Variants in RNGTT observed in about 807,000 individuals in gnomAD.
RNGTT encodes RNA guanylyltransferase and 5'-phosphatase.
In RNGTT, 33 loss-of-function variants were observed where a neutral mutation model predicts 79.3. The observed-to-expected ratio is 0.42, with a 90% confidence interval of 0.32 to 0.56. RNGTT has a LOEUF of 0.56. Ranked by LOEUF, RNGTT falls within the 20% of genes least tolerant of loss-of-function variation. The pLI is 0.17. For synonymous variants in RNGTT, 222 were observed against 235.9 expected (o/e 0.94, Z 0.54); for missense variants, 497 against 739.1 (o/e 0.67, Z 3.80).
chr6:88,734,012 CAG>C (rs1338671114), intron 13 of RNGTT, among the ~76,000 whole-genome samples: 5 of 151,850 alleles, frequency 3.3e-5, no homozygotes, highest in African/African-American at 9.7e-5. Context: ...CATAATGAAA[CAG>C]AATGTTAAAG....
At chr6:88,793,247 A>C (rs775828404) in intron 12 of RNGTT, among the ~76,000 whole-genome samples, 1 of 152,222 alleles carries the variant, frequency 6.6e-6, no homozygotes, top group Non-Finnish European at 1.5e-5. Flanking sequence ...ACAAAGACTG[A>C]AATCATTAAA....
At chr6:88,940,238 C>T (rs762356335) in intron 2 of RNGTT, among the ~76,000 whole-genome samples, 1 of 152,050 alleles carries the variant, frequency 6.6e-6, no homozygotes, top group Non-Finnish European at 1.5e-5. Flanking sequence ...ACCACAATGC[C>T]TGGCTAATTT....
At chr6:88,626,662 C>G (rs79104678) in intron 14 of RNGTT, among the ~76,000 whole-genome samples, 129 of 152,148 alleles carry the variant, frequency 8.5e-4, no homozygotes, top group East Asian at 7.1e-3. Flanking sequence ...AACCACAAAT[C>G]ACAGCAAATT....
Position 88,957,799 on chromosome 6 carries a change from T to C in RNGTT, c.64+5547A>G, listed in dbSNP as rs533903237. Reference sequence around the variant, plus strand: ...ATAATCAATACTATGAAAATGATCATACTGCCAAAAGCAATCTTTAGATTC... The same window carrying C: ...ATAATCAATACTATGAAAATGATCACACTGCCAAAAGCAATCTTTAGATTC... On this transcript the variant is annotated intron_variant, in intron 1 of 15. Coordinates refer to ENST00000369485, the MANE Select transcript of RNGTT (RefSeq NM_003800.5). Among the ~76,000 whole-genome samples, 10 of 152,284 alleles carry C rather than the reference T, an allele frequency of 6.6e-5. No individual in the cohort carries two copies. In the South Asian group the frequency reaches 1.9e-3, roughly 28 times the overall value.
chr6:88,939,769 C>CT (rs59080248), intron 2 of RNGTT, among the ~76,000 whole-genome samples: 25 of 149,468 alleles, frequency 1.7e-4, no homozygotes, highest in African/African-American at 3.4e-4. Context: ...CTCACTTCTC[C>CT]TTTTTTTTTG....
intron 14 of RNGTT, among the ~76,000 whole-genome samples, chr6:88,639,709 A>G (rs1773236313): frequency 6.6e-6 from 1 of 152,188 alleles, no homozygotes; most frequent in Non-Finnish European, 1.5e-5. Context: ...AGTACTTTGT[A>G]AGTGCTCAAT....
At chr6:88,740,858 G>A (rs977959103) in intron 13 of RNGTT, among the ~76,000 whole-genome samples, 14 of 152,160 alleles carry the variant, frequency 9.2e-5, no homozygotes, top group East Asian at 3.9e-4. Context: ...AAACCTGCAC[G>A]TTCTGCACAC....
chr6:88,963,275 G>A, intron 1 of RNGTT, 71 bp downstream of exon 1: 1 of 1,504,408 alleles, frequency 6.6e-7, no homozygotes, highest in Non-Finnish European at 9.2e-7. Context: ...ACCAAAAGCT[G>A]AGCTCCTCAG....
At chr6:88,796,906 T>C (rs1353607815) in intron 12 of RNGTT, among the ~76,000 whole-genome samples, 1 of 152,032 alleles carries the variant, frequency 6.6e-6, no homozygotes, top group Admixed American at 6.5e-5. Context: ...AAACTAAGAG[T>C]AGATCTAAAA....
At chr6:88,649,399 G>A (rs1411018300) in intron 14 of RNGTT, among the ~76,000 whole-genome samples, 1 of 152,120 alleles carries the variant, frequency 6.6e-6, no homozygotes, top group African/African-American at 2.4e-5. Context: ...TCGAATTAAT[G>A]CAGCATAAAA....
rs115059573 is a variant in RNGTT at position 88,722,836 on chromosome 6, C to T, written c.1440-44417G>A. Among the ~76,000 whole-genome samples, 527 of 152,246 alleles carry T rather than the reference C, an allele frequency of 3.5e-3. 3 individuals carry two copies. Among genetic ancestry groups the T allele is most frequent in the African/African-American group, 0.012 (496 of 41,556 alleles). ...TATAATGAAGCTGAAAAATTCCTAT[C>T]ATCTAGTGACATCATAACATCATAG... On this transcript the variant is annotated intron_variant, in intron 13 of 15. Coordinates refer to ENST00000369485, the MANE Select transcript of RNGTT (RefSeq NM_003800.5).
At chr6:88,913,493 T>G (rs1783903535) in intron 4 of RNGTT, among the ~76,000 whole-genome samples, 2 of 151,962 alleles carry the variant, frequency 1.3e-5, no homozygotes, top group Admixed American at 1.3e-4. Flanking sequence ...CAGCACCACA[T>G]CAAAAAGCTA....
chr6:88,757,620 T>C (rs1333275994), intron 13 of RNGTT, among the ~76,000 whole-genome samples: 1 of 152,086 alleles, frequency 6.6e-6, no homozygotes, highest in Non-Finnish European at 1.5e-5. Flanking sequence ...CTAAGAAATA[T>C]CCAGAAAAGA....
At chr6:88,865,629 T>C (rs1483193528) in intron 8 of RNGTT, among the ~76,000 whole-genome samples, 1 of 152,136 alleles carries the variant, frequency 6.6e-6, no homozygotes, top group Non-Finnish European at 1.5e-5. Context: ...GTAAATTTTG[T>C]AAAATCAGAC....
rs755758399 is a variant in RNGTT, at chr6:88,844,368, T to C, written c.1258A>G (p.Thr420Ala). ...AAATTAAACTTTACCTTTCTTGAAG[T>C]ACAGATGTCAAAAAACGGCTTATTT... is the stretch of plus-strand genomic sequence containing the variant. ...VRNKPFFDIC[T>A]SRKLLEGNFA... is the part of the protein sequence containing the mutation. The change falls in exon 11 of 16, where the codon ACT (threonine) becomes GCT (alanine). Residue 420 changes from threonine (T) to alanine (A), a missense_variant. Coordinates refer to ENST00000369485, the MANE Select transcript of RNGTT (RefSeq NM_003800.5). The C allele has an allele frequency of 3.1e-6, 5 of 1,612,582 alleles. No individual in the cohort carries two copies. In the South Asian group the frequency reaches 3.3e-5, roughly 11 times the overall value.
In RNGTT at chr6:88,816,379, T is replaced by C. The variant is rs1291582751; in HGVS notation, c.1270-14747A>G. On this transcript the variant is annotated intron_variant, in intron 11 of 15. Coordinates refer to ENST00000369485, the MANE Select transcript of RNGTT (RefSeq NM_003800.5). The stretch of plus-strand genomic sequence containing the variant: ...TATGTGTATACAGTATATGGGGACA[T>C]ATATGTGCACTTATAGTCCCTAGGC... Among the ~76,000 whole-genome samples the C allele has an allele frequency of 1.3e-5, 2 of 152,290 alleles. 1 individual carries two copies. The highest frequency in any genetic ancestry group is 6.8e-3 in the Middle Eastern group (2 of 294).
intron 4 of RNGTT, among the ~76,000 whole-genome samples, chr6:88,923,461 G>A (rs6923643): frequency 0.022 from 3,331 of 152,270 alleles, 124 homozygotes; most frequent in African/African-American, 0.076. Context: ...ACACTCAAAA[G>A]TGTATGAATG....
chr6:88,943,484 A>G (rs1784913347), intron 1 of RNGTT, among the ~76,000 whole-genome samples: 1 of 151,962 alleles, frequency 6.6e-6, no homozygotes, highest in Non-Finnish European at 1.5e-5. Flanking sequence ...CTTTTACTTC[A>G]TTTAGTTTAA....
chr6:88,848,396 G>A (rs559367908), intron 10 of RNGTT, among the ~76,000 whole-genome samples: 2 of 151,602 alleles, frequency 1.3e-5, no homozygotes, highest in East Asian at 1.9e-4. Context: ...TTTCATGTGC[G>A]CACAAGAAAA....
Sources: gnomAD v4.1 joint callset for allele counts (sites outside exome capture counted in the v4.1 genomes callset) on GRCh38, gnomAD v4.1.1 for gene constraint, MANE v1.5 for transcripts, NCBI Gene and HGNC (gene_info 2026-07-23, HGNC 2026-07-21) for gene names.